Variants in PXDNL observed in about 807,000 individuals in gnomAD.
PXDNL encodes the protein peroxidasin like, also known as probable oxidoreductase PXDNL.
A neutral mutation model predicts 150.8 loss-of-function variants in PXDNL; 145 were observed. The observed-to-expected ratio is 0.96, with a 90% CI of 0.84 to 1.10. PXDNL has a LOEUF of 1.10. Ranked by LOEUF, PXDNL falls within the 50% of genes least tolerant of loss-of-function variation. The pLI is 0.00. For missense variants in PXDNL, 2,087 were observed against 1,873.9 expected, an observed-to-expected ratio of 1.11 and a Z score of -2.10; for synonymous variants, 757 against 725.7, an observed-to-expected ratio of 1.04 and a Z score of -0.69.
chr8:51,392,855 T>G (rs1479900491), intron 17 of PXDNL, among the ~76,000 whole-genome samples: 3 of 152,148 alleles, frequency 2.0e-5, no homozygotes, highest in Non-Finnish European at 1.5e-5. Flanking sequence ...CCATTTCTAT[T>G]GTGAGGTTAG....
rs894575226 is a variant in PXDNL at position 51,449,178 on chromosome 8, T to C, written c.1250-60A>G. On this transcript the variant is annotated intron_variant, in intron 10 of 22. Coordinates refer to ENST00000356297, the MANE Select transcript of PXDNL (RefSeq NM_144651.5). ...TTATTTTACAAATTTTCAGTGCCAA[T>C]AGAAAAAAGAAAATGTCTTCAAATA... The C allele has an allele frequency of 4.5e-6, 4 of 881,684 alleles. No homozygotes were observed. In the African/African-American group the frequency reaches 5.1e-5, roughly 11 times the overall value. The allele number at this position is 881,684 out of a possible 1,614,324, so 54.6% of individuals were successfully genotyped here. A position where few individuals can be genotyped will look rare whatever the true frequency, so the allele number is the denominator to read the frequency against.
intron 1 of PXDNL, among the ~76,000 whole-genome samples, chr8:51,757,415 G>A (rs573369299): frequency 4.6e-5 from 7 of 152,324 alleles, no homozygotes; most frequent in African/African-American, 1.4e-4. Context: ...GGAGGACAGC[G>A]TTCCTTGTCT....
intron 13 of PXDNL, among the ~76,000 whole-genome samples, chr8:51,425,703 C>G (rs1337305663): frequency 6.6e-6 from 1 of 152,000 alleles, no homozygotes; most frequent in Non-Finnish European, 1.5e-5. Flanking sequence ...CGCCTGTAGT[C>G]CCAGCTACTC....
At chr8:51,486,794 A>ATT (rs1195750381) in intron 5 of PXDNL, among the ~76,000 whole-genome samples, 8 of 24,714 alleles carry the variant, frequency 3.2e-4, no homozygotes, top group African/African-American at 8.8e-4. Context: ...ATATATATAT[A>ATT]TTTTTTTTTT....
At chr8:51,333,647 T>G (rs1805755519) in intron 21 of PXDNL, among the ~76,000 whole-genome samples, 1 of 151,348 alleles carries the variant, frequency 6.6e-6, no homozygotes, top group African/African-American at 2.4e-5. Flanking sequence ...AGTAAAGGGG[T>G]GGAAAAAAGC....
At chr8:51,560,036 AAG>A (rs1386123260) in intron 3 of PXDNL, among the ~76,000 whole-genome samples, 9 of 152,010 alleles carry the variant, frequency 5.9e-5, no homozygotes, top group African/African-American at 2.2e-4. Context: ...AAAAATCAAA[AAG>A]ATATTTCTCA....
At chr8:51,576,443 C>G (rs752909692) in intron 3 of PXDNL, among the ~76,000 whole-genome samples, 35 of 151,370 alleles carry the variant, frequency 2.3e-4, no homozygotes, top group Non-Finnish European at 3.8e-4. Context: ...GTCAGAAAAT[C>G]TGAAAAGAGC....
chr8:51,409,360 G>A lies in PXDNL; in HGVS notation c.2264C>T (p.Pro755Leu). 6.4e-7 allele frequency: 1 copy of A among 1,557,220 alleles called. No individual in the cohort carries two copies. Among genetic ancestry groups the A allele is most frequent in the Non-Finnish European group, 8.6e-7 (1 of 1,156,172 alleles). Residue 755 changes from proline to leucine, a missense_variant, in exon 17 of 23, where the codon CCA (proline) becomes CTA (leucine). Physicochemically the swap from Pro to Leu is moderately conservative, Grantham distance 98. Transcript: ENST00000356297. ...ALTAFARLLQ[P>L]AYRDGIRAPR... is the part of the protein sequence containing the mutation. Reference sequence around the variant, plus strand: ...CGCGCGGATGCCGTCCCGGTAGGCTGGCTGCAGCAGGCGCGCGAAGGCGGT... The same window carrying A: ...CGCGCGGATGCCGTCCCGGTAGGCTAGCTGCAGCAGGCGCGCGAAGGCGGT...
chr8:51,453,845 A>G (rs1809865514), intron 9 of PXDNL, 60 bp from the exon 10 acceptor site: 1 of 1,557,464 alleles, frequency 6.4e-7, no homozygotes, highest in Non-Finnish European at 8.7e-7. Flanking sequence ...AGATTTATTT[A>G]TTCTGCATTG....
At chr8:51,743,566 G>C (rs1371008014) in intron 1 of PXDNL, among the ~76,000 whole-genome samples, 1 of 152,104 alleles carries the variant, frequency 6.6e-6, no homozygotes, top group African/African-American at 2.4e-5. Flanking sequence ...ATTTTTAGTA[G>C]AGTTGGGGTC....
Position 51,408,058 on chromosome 8 carries a change from C to T in PXDNL, c.3557+9G>A, listed in dbSNP as rs781081270. 1 of 1,590,758 alleles carries T rather than the reference C, an allele frequency of 6.3e-7. No homozygotes were observed. The highest frequency in any genetic ancestry group is 1.2e-5 in the South Asian group (1 of 86,898). On this transcript the variant is annotated intron_variant, in intron 17 of 22. Coordinates refer to ENST00000356297, the MANE Select transcript of PXDNL (RefSeq NM_144651.5). ...AATGTTTAAATCCAGGCAGCATTTGCATACTTACTTTCTCAGTTTTTGTCT... is the reference window on the plus strand; with the variant it reads ...AATGTTTAAATCCAGGCAGCATTTGTATACTTACTTTCTCAGTTTTTGTCT...
intron 2 of PXDNL, among the ~76,000 whole-genome samples, chr8:51,614,516 C>G (rs549910172): frequency 4.5e-4 from 68 of 152,290 alleles, no homozygotes; most frequent in African/African-American, 1.6e-3. Flanking sequence ...GTGGCAGCAC[C>G]TGAATCACTC....
At chr8:51,508,118 A>T (rs1355889529) in intron 4 of PXDNL, among the ~76,000 whole-genome samples, 1 of 152,224 alleles carries the variant, frequency 6.6e-6, no homozygotes, top group African/African-American at 2.4e-5. Flanking sequence ...TGGCACCAAA[A>T]GGGCTATTGG....
At chr8:51,362,833 G>C (rs2977000) in intron 19 of PXDNL, among the ~76,000 whole-genome samples, 115,958 of 152,212 alleles carry the variant, frequency 0.76, 45,095 homozygotes, top group East Asian at 0.94. Context: ...GTTCATATGT[G>C]TACTATATAT....
At chr8:51,699,458 G>C (rs1319429370) in intron 1 of PXDNL, among the ~76,000 whole-genome samples, 1 of 152,218 alleles carries the variant, frequency 6.6e-6, no homozygotes, top group Non-Finnish European at 1.5e-5. Flanking sequence ...TTTGGCTTAA[G>C]GGAATGTTGT....
intron 4 of PXDNL, among the ~76,000 whole-genome samples, chr8:51,531,243 G>T (rs1242129111): frequency 1.3e-5 from 2 of 152,234 alleles, no homozygotes; most frequent in South Asian, 2.1e-4. Flanking sequence ...AGTGGAAGGA[G>T]TTATAATTTT....
intron 21 of PXDNL, among the ~76,000 whole-genome samples, chr8:51,327,831 T>C (rs1586002717): frequency 6.6e-6 from 1 of 152,190 alleles, no homozygotes. Context: ...AATAAATTTC[T>C]TAGAGAGCTA....
intron 4 of PXDNL, among the ~76,000 whole-genome samples, chr8:51,553,193 G>A (rs985965870): frequency 2.0e-5 from 3 of 152,196 alleles, no homozygotes; most frequent in African/African-American, 7.2e-5. Flanking sequence ...AAGCCCTATG[G>A]CTCAGCACAC....
At chr8:51,564,502 CAT>C (rs1812776098) in intron 3 of PXDNL, among the ~76,000 whole-genome samples, 1 of 151,082 alleles carries the variant, frequency 6.6e-6, no homozygotes, top group Non-Finnish European at 1.5e-5. Context: ...GGAGTTTTTC[CAT>C]GCTCACTCTC....
Sources: gnomAD v4.1 joint callset for allele counts (sites outside exome capture counted in the v4.1 genomes callset) on GRCh38, gnomAD v4.1.1 for gene constraint, MANE v1.5 for transcripts, NCBI Gene and HGNC (gene_info 2026-07-23, HGNC 2026-07-21) for gene names.